Variants in LYPD6 observed in about 807,000 individuals in gnomAD.
The protein encoded by LYPD6 is ly6/PLAUR domain-containing protein 6.
LYPD6 carries 15 observed loss-of-function variants against 22.7 expected under a neutral mutation model. That is an observed-to-expected ratio of 0.66 (90% CI 0.44 to 1.02). The LOEUF (loss-of-function observed/expected upper bound fraction) is 1.02, where lower values mean the gene tolerates loss of function less well. LYPD6 is among the 50% of genes least tolerant of loss of function. The pLI is 0.00. For missense variants in LYPD6, 189 were observed against 208.4 expected, an observed-to-expected ratio of 0.91 and a Z score of 0.57; for synonymous variants, 72 against 77.5, an observed-to-expected ratio of 0.93 and a Z score of 0.37.
At chr2:149,355,924 C>G (rs968228979) in intron 1 of LYPD6, among the ~76,000 whole-genome samples, 11 of 152,038 alleles carry the variant, frequency 7.2e-5, no homozygotes, top group Admixed American at 7.2e-4. Flanking sequence ...CACTCTGGGT[C>G]TGTGTGCTTG....
intron 1 of LYPD6, among the ~76,000 whole-genome samples, chr2:149,430,288 T>G (rs973330022): frequency 6.6e-6 from 1 of 152,186 alleles, no homozygotes; most frequent in Non-Finnish European, 1.5e-5. Context: ...TTAGTAGAGA[T>G]GGGGTTTTAC....
downstream of LYPD6, among the ~76,000 whole-genome samples, chr2:149,475,778 A>G (rs1204940407): frequency 6.6e-6 from 1 of 152,174 alleles, no homozygotes; most frequent in African/African-American, 2.4e-5. Context: ...TTTGCAAAGC[A>G]GTTTTATATA....
chr2:149,377,870 A>T (rs1219256784), intron 1 of LYPD6, among the ~76,000 whole-genome samples: 1 of 136,936 alleles, frequency 7.3e-6, no homozygotes, highest in African/African-American at 2.8e-5. Context: ...TGCTGGCTTT[A>T]TCATTACTCT....
chr2:149,443,956 C>T (rs1683624905), intron 2 of LYPD6, among the ~76,000 whole-genome samples: 1 of 119,240 alleles, frequency 8.4e-6, no homozygotes, highest in African/African-American at 3.5e-5. Context: ...TTTTTTGAGG[C>T]AGGGCTTGGC....
the LYPD6 span, among the ~76,000 whole-genome samples, chr2:149,484,566 G>T: frequency 6.6e-6 from 1 of 152,106 alleles, no homozygotes; most frequent in Non-Finnish European, 1.5e-5. Context: ...CGTAGTCCAT[G>T]CACAGCAATC....
chr2:149,389,118 G>A (rs896135676), intron 1 of LYPD6, among the ~76,000 whole-genome samples: 2 of 152,088 alleles, frequency 1.3e-5, no homozygotes, highest in Admixed American at 6.5e-5. Flanking sequence ...AAACCCCTAA[G>A]TTTTGGCTTT....
chr2:149,374,337 G>C (rs976716106), intron 1 of LYPD6, among the ~76,000 whole-genome samples: 1 of 152,146 alleles, frequency 6.6e-6, no homozygotes, highest in South Asian at 2.1e-4. Context: ...GCATCTTATG[G>C]CTTTGTATTT....
chr2:149,338,387 A>G (rs1681098959), intron 1 of LYPD6, among the ~76,000 whole-genome samples: 1 of 152,224 alleles, frequency 6.6e-6, no homozygotes, highest in Non-Finnish European at 1.5e-5. Flanking sequence ...AAACTATTAA[A>G]TATTAACAAT....
intron 1 of LYPD6, among the ~76,000 whole-genome samples, chr2:149,364,236 A>G (rs975200252): frequency 1.3e-5 from 2 of 152,170 alleles, no homozygotes; most frequent in African/African-American, 2.4e-5. Flanking sequence ...TTAAAAAGAA[A>G]GCCAGTGAAA....
At chr2:149,333,525 C>G (rs2105041516) in intron 1 of LYPD6, among the ~76,000 whole-genome samples, 1 of 152,348 alleles carries the variant, frequency 6.6e-6, no homozygotes, top group East Asian at 1.9e-4. Flanking sequence ...TAGAACTTCT[C>G]TGTGCTTTAG....
chr2:149,426,798 C>T (rs1374700630), intron 1 of LYPD6, among the ~76,000 whole-genome samples: 6 of 152,052 alleles, frequency 3.9e-5, no homozygotes, highest in Non-Finnish European at 5.9e-5. Flanking sequence ...GCAGAAAACC[C>T]TTAATAATGT....
chr2:149,334,931 G>A (rs1435923189), intron 1 of LYPD6, among the ~76,000 whole-genome samples: 1 of 152,148 alleles, frequency 6.6e-6, no homozygotes, highest in Non-Finnish European at 1.5e-5. Context: ...CATCTTAGCT[G>A]TGGTGATGTC....
intron 3 of LYPD6, among the ~76,000 whole-genome samples, chr2:149,465,280 G>C (rs1341087891): frequency 6.6e-6 from 1 of 152,092 alleles, no homozygotes; most frequent in South Asian, 2.1e-4. Flanking sequence ...GATCCTACAG[G>C]GTCAGACATG....
chr2:149,332,565 C>T (rs561279111), intron 1 of LYPD6, among the ~76,000 whole-genome samples: 2 of 152,312 alleles, frequency 1.3e-5, no homozygotes, highest in African/African-American at 4.8e-5. Flanking sequence ...ACAGATGAAA[C>T]AACTGAGGCT....
chr2:149,478,611 A>G (rs907524170), downstream of LYPD6, among the ~76,000 whole-genome samples: 7 of 151,630 alleles, frequency 4.6e-5, no homozygotes, highest in Admixed American at 1.3e-4. Context: ...TTTTGTAGAG[A>G]TGGGGTCTTG....
intron 1 of LYPD6, among the ~76,000 whole-genome samples, chr2:149,405,303 G>A (rs1682674187): frequency 6.6e-6 from 1 of 152,038 alleles, no homozygotes; most frequent in Non-Finnish European, 1.5e-5. Flanking sequence ...AGTTTCAGAA[G>A]CAATGGTACC....
chr2:149,440,897 G>A (rs937929038), intron 2 of LYPD6, among the ~76,000 whole-genome samples: 7 of 151,096 alleles, frequency 4.6e-5, no homozygotes, highest in African/African-American at 1.7e-4. Flanking sequence ...TAGTAGAGAC[G>A]GGTTTCACCG....
intron 1 of LYPD6, among the ~76,000 whole-genome samples, chr2:149,434,068 T>A (rs1382052187): frequency 6.6e-6 from 1 of 152,138 alleles, no homozygotes; most frequent in African/African-American, 2.4e-5. Context: ...GCTGCACCTG[T>A]CAGCCCGTCA....
chr2:149,446,508 G>C (rs886854455), intron 2 of LYPD6, among the ~76,000 whole-genome samples: 1 of 152,082 alleles, frequency 6.6e-6, no homozygotes, highest in African/African-American at 2.4e-5. Context: ...TAATGTGAAG[G>C]TATAAAAAAT....
Sources: allele counts gnomAD v4.1 joint callset (sites outside exome capture counted in the v4.1 genomes callset), GRCh38; gene constraint gnomAD v4.1.1; transcripts MANE v1.5; gene names NCBI Gene and HGNC (gene_info 2026-07-23, HGNC 2026-07-21).